SPTB: variants seen among roughly 807,000 people sequenced by gnomAD.
SPTB encodes spectrin beta chain, erythrocytic.
A neutral mutation model predicts 256.2 loss-of-function variants in SPTB; 45 were observed. That is an observed-to-expected ratio of 0.18 (90% CI 0.14 to 0.23). The LOEUF (loss-of-function observed/expected upper bound fraction) is 0.23. Ranked by LOEUF, SPTB falls within the 10% of genes least tolerant of loss-of-function variation. SPTB has a pLI of 1.00. For missense variants in SPTB, 2,715 were observed against 3,040.4 expected (o/e 0.89, Z 2.52); for synonymous variants, 1,231 against 1,243.1 (o/e 0.99, Z 0.21).
At chr14:64,817,202 G>T (rs561057849) in intron 2 of SPTB, among the ~76,000 whole-genome samples, 8 of 152,028 alleles carry the variant, frequency 5.3e-5, no homozygotes, top group African/African-American at 1.9e-4. Context: ...CAGTGCAGGG[G>T]CATGCTGACA....
rs2082349364 is a variant in SPTB at position 64,775,906 on chromosome 14, G to T, written c.4564-503C>A. On this transcript the variant is annotated intron_variant, in intron 22 of 35. Transcript: ENST00000644917. The surrounding 1 kb of genome is among the most constrained non-coding windows in gnomAD (Gnocchi z 5.0). The stretch of plus-strand genomic sequence containing the variant: ...TTTTGCCTTCCATCTAAAAGAACAG[G>T]TGACAGCAGCCCCTTGCTTACAGTC... Among the ~76,000 whole-genome samples the T allele has an allele frequency of 6.6e-6, 1 of 152,206 alleles. No individual in the cohort carries two copies. Among genetic ancestry groups the T allele is most frequent in the South Asian group, 2.1e-4 (1 of 4,836 alleles).
At chr14:64,769,208 G>A (rs1566743586) in intron 28 of SPTB, 90 bp from the exon 29 acceptor site, 1 of 1,279,294 alleles carries the variant, frequency 7.8e-7, no homozygotes, top group Non-Finnish European at 1.1e-6. Flanking sequence ...AGAATGCCAG[G>A]TTTGGTCCTA....
intron 2 of SPTB, among the ~76,000 whole-genome samples, chr14:64,813,932 A>T (rs1366547179): frequency 6.6e-6 from 1 of 152,250 alleles, no homozygotes; most frequent in African/African-American, 2.4e-5. Flanking sequence ...GACACATCAT[A>T]AATGATGATG....
chr14:64,844,009 G>A lies in SPTB; in HGVS notation c.-51-20864C>T, dbSNP rs1488037294. Among the ~76,000 whole-genome samples the A allele has an allele frequency of 1.3e-5, 2 of 152,112 alleles. No individual in the cohort carries two copies. The highest frequency in any genetic ancestry group is 4.8e-5 in the African/African-American group (2 of 41,426). ...CCACCCTAATGTGTTTTATCAAATT[G>A]TTTTTAATTATAAAAGTGACATATG... On this transcript the variant is annotated intron_variant, in intron 1 of 35. Transcript: ENST00000644917. This position sits in a 1 kb window ranked among gnomAD's most constrained non-coding sequence, Gnocchi z 4.1.
chr14:64,798,150 G>A (rs1452284889), intron 9 of SPTB, among the ~76,000 whole-genome samples: 2 of 152,170 alleles, frequency 1.3e-5, no homozygotes. Context: ...GGTAATTCCT[G>A]TAAATATCAA....
chr14:64,847,456 C>T lies in SPTB; in HGVS notation c.-51-24311G>A, dbSNP rs979763142. Among the ~76,000 whole-genome samples the T allele has an allele frequency of 5.9e-5, 9 of 152,126 alleles. No homozygotes were observed. The highest frequency in any genetic ancestry group is 1.4e-4 in the African/African-American group (6 of 41,410). ...AGTGGGAATTGGAGGAGGGGGTAGA[C>T]GTGTAGGGAAAAGCCTATTTATCTA... On this transcript the variant is annotated intron_variant, in intron 1 of 35. Transcript: ENST00000644917. This position sits in a 1 kb window ranked among gnomAD's most constrained non-coding sequence, Gnocchi z 5.9.
rs1376322051 is a variant in SPTB at position 64,799,774 on chromosome 14, G to A, written c.1037C>T (p.Thr346Ile). 3 of 1,614,230 alleles carry A rather than the reference G, an allele frequency of 1.9e-6. No individual in the cohort carries two copies. In the South Asian group the frequency reaches 3.3e-5, roughly 18 times the overall value. Residue 346 changes from threonine to isoleucine, a missense_variant, in exon 9 of 36, where the codon ACC becomes ATC. Thr to Ile is a moderately conservative substitution (Grantham distance 89). This residue lies in a region of SPTB where 416 missense variants were observed against 571.1 expected (regional missense o/e 0.73). Coordinates refer to ENST00000644917, the MANE Select transcript of SPTB (RefSeq NM_001355436.2). ...GGGCGGCTTCTCCACGGTGCGGTAG[G>A]TGCTGAAGGCCTGCAGCTGCTGCTG... ...GVQQQLQAFSTYRTVEKPPKF... is the reference protein window; with the variant it reads ...GVQQQLQAFSIYRTVEKPPKF...
chr14:64,861,155 C>A (rs770831311), intron 1 of SPTB, among the ~76,000 whole-genome samples: 1 of 151,994 alleles, frequency 6.6e-6, no homozygotes, highest in Non-Finnish European at 1.5e-5. Flanking sequence ...ACATTGAGAA[C>A]GCATGGACAC....
At chr14:64,797,489 AAAAAAAAAAAAAAG>A (rs1353838897) in intron 10 of SPTB, among the ~76,000 whole-genome samples, 1 of 146,392 alleles carries the variant, frequency 6.8e-6, no homozygotes, top group Non-Finnish European at 1.5e-5. Context: ...AAAAAAAAAA[AAAAAAAAAAAAAAG>A]GACTCAGGGA....
rs190108600 is a variant in SPTB at position 64,786,894 on chromosome 14, G to C, written c.3071C>G (p.Ser1024Trp). Residue 1024 changes from serine (S) to tryptophan (W), a missense_variant, in exon 16 of 36, where the codon TCG (serine) becomes TGG (tryptophan). This residue lies in a region of SPTB where 2,239 missense variants were observed against 2,384.4 expected (regional missense o/e 0.94). Coordinates refer to ENST00000644917, the MANE Select transcript of SPTB (RefSeq NM_001355436.2). This position sits in a 1 kb window ranked among gnomAD's most constrained non-coding sequence, Gnocchi z 5.6. ...LERESQQLMD[S>W]HPEQKEDIGQ... ...AATATCCTCCTTCTGCTCAGGGTGC[G>C]AGTCCATCAGCTGCTGGGACTCACG... is the stretch of plus-strand genomic sequence containing the variant. The C allele has an allele frequency of 6.2e-7, 1 of 1,612,834 alleles. No homozygotes were observed.
Position 64,785,596 on chromosome 14 carries a change from C to G in SPTB, c.3796G>C (p.Ala1266Pro), listed in dbSNP as rs912491095. ...HRKNNEKAQEASVLLRDNLEL... is the reference protein window; with the variant it reads ...HRKNNEKAQEPSVLLRDNLEL... ...AGGTTGTCTCTCAGTAGGACAGAGGCCTCCTGGGCCTTCTCGTTGTTCTTC... is the reference window on the plus strand; with the variant it reads ...AGGTTGTCTCTCAGTAGGACAGAGGGCTCCTGGGCCTTCTCGTTGTTCTTC... Residue 1266 changes from alanine (A) to proline (P), a missense_variant, in exon 18 of 36, where the codon GCC becomes CCC. Transcript: ENST00000644917. This position sits in a 1 kb window ranked among gnomAD's most constrained non-coding sequence, Gnocchi z 4.4. The G allele has an allele frequency of 6.2e-7, 1 of 1,614,110 alleles. No homozygotes were observed. The highest frequency in any genetic ancestry group is 1.3e-5 in the African/African-American group (1 of 75,044).
chr14:64,799,372 G>A (rs1229727275), intron 9 of SPTB, among the ~76,000 whole-genome samples: 1 of 152,200 alleles, frequency 6.6e-6, no homozygotes, highest in African/African-American at 2.4e-5. Context: ...AGAGCTCAGG[G>A]GCTGAGAGCA....
chr14:64,850,306 C>T (rs1594841781), intron 1 of SPTB, among the ~76,000 whole-genome samples: 1 of 152,160 alleles, frequency 6.6e-6, no homozygotes, highest in African/African-American at 2.4e-5. Flanking sequence ...AGGATAAGGG[C>T]CTCCCCAGAG....
chr14:64,768,342 A>T, intron 29 of SPTB: 1 of 209,112 alleles, frequency 4.8e-6, no homozygotes, highest in South Asian at 8.7e-5. Context: ...GCCTGGCCCA[A>T]TAGTTATATT....
rs748471731 is a variant in SPTB at position 64,785,511 on chromosome 14, G to T, written c.3855+26C>A. On this transcript the variant is annotated intron_variant, in intron 18 of 35. Transcript: ENST00000644917. This position sits in a 1 kb window ranked among gnomAD's most constrained non-coding sequence, Gnocchi z 4.4. ...CTTCTAGAAAGGAATCTCCAGGAAA[G>T]CAGCCACTCCTTGCTGGAGCCTCAC... is the stretch of plus-strand genomic sequence containing the variant. The T allele has an allele frequency of 1.9e-6, 3 of 1,594,210 alleles. No homozygotes were observed. In the Admixed American group the frequency reaches 5.2e-5, roughly 28 times the overall value.
chr14:64,747,118 C>T lies in SPTB; in HGVS notation c.*2188G>A, dbSNP rs756251916. The T allele has an allele frequency of 2.0e-5, 3 of 152,556 alleles. No homozygotes were observed. The highest frequency in any genetic ancestry group is 4.8e-5 in the African/African-American group (2 of 41,446). The allele number at this position is 152,556 out of a possible 1,614,324, so 9.5% of individuals were successfully genotyped here. A position where few individuals can be genotyped will look rare whatever the true frequency, so the allele number is the denominator to read the frequency against. The stretch of plus-strand genomic sequence containing the variant: ...CTGGGGTGGTGAGATGCTAGCTCTT[C>T]CACTAGAGCCCTTCCTTTCTCGGGT... On this transcript the variant is annotated 3_prime_UTR_variant, in exon 36 of 36. Transcript: ENST00000644917.
At chr14:64,811,353 G>A (rs936950048) in intron 2 of SPTB, among the ~76,000 whole-genome samples, 4 of 152,134 alleles carry the variant, frequency 2.6e-5, no homozygotes, top group African/African-American at 4.8e-5. Flanking sequence ...AAAAGCCCAC[G>A]TGCATGCACA....
In SPTB at chr14:64,844,540, C is replaced by T. The variant is rs890718579; in HGVS notation, c.-51-21395G>A. Reference sequence around the variant, plus strand: ...AGCTCACAGAAGTTAAGCTACTTGCCCAAAGTCACACAACTGTGAGAAGCC... The same window carrying T: ...AGCTCACAGAAGTTAAGCTACTTGCTCAAAGTCACACAACTGTGAGAAGCC... On this transcript the variant is annotated intron_variant, in intron 1 of 35. Coordinates refer to ENST00000644917, the MANE Select transcript of SPTB (RefSeq NM_001355436.2). The surrounding 1 kb of genome is among the most constrained non-coding windows in gnomAD (Gnocchi z 4.1). Among the ~76,000 whole-genome samples, 1 of 152,130 alleles carries T rather than the reference C, an allele frequency of 6.6e-6. No homozygotes were observed. The highest frequency in any genetic ancestry group is 2.4e-5 in the African/African-American group (1 of 41,434).
rs1004757361 is a variant in SPTB at position 64,807,884 on chromosome 14, G to A, written c.149-2794C>T. On this transcript the variant is annotated intron_variant, in intron 2 of 35. Coordinates refer to ENST00000644917, the MANE Select transcript of SPTB (RefSeq NM_001355436.2). The surrounding 1 kb of genome is among the most constrained non-coding windows in gnomAD (Gnocchi z 4.7). ...GACCCACCATGGGAAGGAGGCCTCA[G>A]CACAGCCCTGCCAGGAGCCAGGCCT... is the stretch of plus-strand genomic sequence containing the variant. Among the ~76,000 whole-genome samples the A allele has an allele frequency of 2.0e-5, 3 of 152,236 alleles. No homozygotes were observed. The highest frequency in any genetic ancestry group is 4.4e-5 in the Non-Finnish European group (3 of 68,040).
Sources: gnomAD v4.1 joint callset for allele counts (sites outside exome capture counted in the v4.1 genomes callset) on GRCh38, gnomAD v4.1.1 for gene constraint, gnomAD v4.1.1 regional missense constraint, Gnocchi (gnomAD v3.1) non-coding constraint, MANE v1.5 for transcripts, NCBI Gene and HGNC (gene_info 2026-07-23, HGNC 2026-07-21) for gene names.